Variants in ANKRD36C observed in about 807,000 individuals in gnomAD.
ANKRD36C encodes ankyrin repeat domain-containing protein 36C.
Under a neutral mutation model 276.4 loss-of-function variants are expected in ANKRD36C, and 61 were observed. The ratio of observed to expected loss-of-function variants is 0.22; its 90% CI spans 0.18 to 0.27. The LOEUF is 0.27. Ranked by LOEUF, ANKRD36C falls within the 10% of genes least tolerant of loss-of-function variation. The pLI is 1.00. For synonymous variants in ANKRD36C, 483 were observed against 680.1 expected, an observed-to-expected ratio of 0.71 and a Z score of 4.51; for missense variants, 1,447 against 2,032.3, an observed-to-expected ratio of 0.71 and a Z score of 5.54.
chr2:95,967,261 A>T (rs540700504), intron 6 of ANKRD36C, among the ~76,000 whole-genome samples: 1 of 152,326 alleles, frequency 6.6e-6, no homozygotes, highest in Non-Finnish European at 1.5e-5. Context: ...CAAAGGCCTA[A>T]TATCTAGAAT....
intron 36 of ANKRD36C, among the ~76,000 whole-genome samples, chr2:95,917,417 G>A (rs554342086): frequency 6.6e-6 from 1 of 151,426 alleles, no homozygotes; most frequent in African/African-American, 2.4e-5. Flanking sequence ...CTACATCAGG[G>A]GTCTCCTTAG....
intron 17 of ANKRD36C, among the ~76,000 whole-genome samples, chr2:95,948,157 G>A (rs1487698834): frequency 2.0e-5 from 3 of 152,040 alleles, no homozygotes; most frequent in African/African-American, 7.2e-5. Flanking sequence ...TTTAAACAGA[G>A]GTATTATTAG....
In ANKRD36C at chr2:95,986,929, C is replaced by T. The variant is rs1558665804; in HGVS notation, c.313-5G>A. On this transcript the variant is annotated splice_region_variant and splice_polypyrimidine_tract_variant and intron_variant, in intron 2 of 66. Coordinates refer to ENST00000456556, the Ensembl canonical transcript of ANKRD36C. ...CTCCTGCCTCAGTTGTACAGCCTGT[C>T]AGTATTAGACCGAGAAACATGCAAA... The T allele has an allele frequency of 5.6e-6, 9 of 1,612,510 alleles. No homozygotes were observed. Among genetic ancestry groups the T allele is most frequent in the Non-Finnish European group, 7.6e-6 (9 of 1,179,548 alleles).
intron 1 of ANKRD36C, 38 bp downstream of exon 1, chr2:95,991,474 G>C: frequency 7.4e-6 from 11 of 1,494,204 alleles, no homozygotes; most frequent in Non-Finnish European, 8.1e-6. Flanking sequence ...CACATCCACA[G>C]GCCTCCTCCC....
chr2:95,894,658 A>G (rs1456975884), intron 44 of ANKRD36C, among the ~76,000 whole-genome samples: 7 of 151,536 alleles, frequency 4.6e-5, no homozygotes, highest in African/African-American at 1.7e-4. Context: ...TTGAAGAAGG[A>G]AGCCAACGTA....
downstream of ANKRD36C, among the ~76,000 whole-genome samples, chr2:95,849,055 A>T (rs1675232748): frequency 6.6e-6 from 1 of 151,968 alleles, no homozygotes; most frequent in Non-Finnish European, 1.5e-5. Context: ...GTCAGCACGT[A>T]TTCTTTCTGT....
exon 61 of ANKRD36C, chr2:95,860,049 T>C: frequency 6.5e-7 from 1 of 1,540,858 alleles, no homozygotes; most frequent in South Asian, 1.2e-5. Context: ...AAAATGTCTT[T>C]TTAATTTTCA....
At chr2:95,864,014 C>A (rs1224205334) in intron 60 of ANKRD36C, among the ~76,000 whole-genome samples, 1 of 151,888 alleles carries the variant, frequency 6.6e-6, no homozygotes, top group Admixed American at 6.6e-5. Context: ...TCTATCATAG[C>A]AACTACCACT....
At chr2:95,983,206 A>T (rs1678956078) in intron 3 of ANKRD36C, among the ~76,000 whole-genome samples, 2 of 151,596 alleles carry the variant, frequency 1.3e-5, no homozygotes, top group Non-Finnish European at 3.0e-5. Flanking sequence ...TCTCTCTTTA[A>T]TTCGGAGAGC....
chr2:95,870,414 T>G, intron 59 of ANKRD36C, among the ~76,000 whole-genome samples: 1 of 152,084 alleles, frequency 6.6e-6, no homozygotes, highest in Admixed American at 6.5e-5. Context: ...GGGTCTGGAG[T>G]GGACCTCTAG....
chr2:95,921,407 A>T (rs1573768820), intron 34 of ANKRD36C, among the ~76,000 whole-genome samples, 200 bp downstream of exon 34: 2 of 151,628 alleles, frequency 1.3e-5, no homozygotes, highest in African/African-American at 4.8e-5. Flanking sequence ...GTGTATAATC[A>T]TACTGCAAAG....
Position 95,915,971 on chromosome 2 carries a change from C to T in ANKRD36C, c.2449+9G>A. ...TGAACATGACATTAAATGTGTTTTG[C>T]AAAATTACCTGTCCTAGATATTTCT... On this transcript the variant is annotated intron_variant, in intron 38 of 66. Transcript: ENST00000456556. The T allele has an allele frequency of 6.5e-7, 1 of 1,545,122 alleles. No individual in the cohort carries two copies. Among genetic ancestry groups the T allele is most frequent in the Non-Finnish European group, 8.7e-7 (1 of 1,146,218 alleles).
At position 95,876,580 on chromosome 2, in the gene ANKRD36C, G is replaced by A. The variant is rs1449332761; in HGVS notation, c.3470-71C>T. On this transcript the variant is annotated intron_variant, in intron 58 of 66. Coordinates refer to ENST00000456556, the Ensembl canonical transcript of ANKRD36C. The stretch of plus-strand genomic sequence containing the variant: ...CAGTTAGATAAAAGCCATGGTCAGC[G>A]GTGGCTCACGCCTGTAATCCCAGCA... 112 of 812,194 alleles carry A rather than the reference G, an allele frequency of 1.4e-4. No individual in the cohort carries two copies. The East Asian group carries it at 1.5e-3, about 11-fold the overall frequency. The allele number at this position is 812,194 out of a possible 1,614,324, so 50.3% of individuals were successfully genotyped here.
intron 8 of ANKRD36C, among the ~76,000 whole-genome samples, chr2:95,961,053 C>T (rs1283923729): frequency 1.3e-5 from 2 of 152,192 alleles, no homozygotes; most frequent in East Asian, 3.9e-4. Flanking sequence ...TCATGTAACA[C>T]ATCAGAGGGA....
intron 6 of ANKRD36C, among the ~76,000 whole-genome samples, chr2:95,974,626 G>C (rs1243094523): frequency 1.3e-5 from 2 of 152,044 alleles, no homozygotes; most frequent in African/African-American, 2.4e-5. Context: ...AAAGACGTCA[G>C]CTTCTCCAAA....
Position 95,919,675 on chromosome 2 carries a change from T to G in ANKRD36C, c.2246-1633A>C. The G allele has an allele frequency of 2.7e-6, 2 of 737,038 alleles. 1 individual carries two copies. The highest frequency in any genetic ancestry group is 3.3e-6 in the Non-Finnish European group (2 of 611,130). 45.7% of individuals were successfully genotyped at this position (737,038 alleles called of 1,614,324 possible). Reference sequence around the variant, plus strand: ...CCACCCTCCGCTGATTTATTCGGGATAGAGAAGTTCTTTTTTATCTGGATT... The same window carrying G: ...CCACCCTCCGCTGATTTATTCGGGAGAGAGAAGTTCTTTTTTATCTGGATT... On this transcript the variant is annotated intron_variant, in intron 34 of 66. Coordinates refer to ENST00000456556, the Ensembl canonical transcript of ANKRD36C.
At chr2:95,892,552 A>G (rs1364001513) in intron 44 of ANKRD36C, among the ~76,000 whole-genome samples, 1 of 151,596 alleles carries the variant, frequency 6.6e-6, no homozygotes, top group African/African-American at 2.4e-5. Context: ...CTCAATAAAA[A>G]TATCATCAAT....
Position 95,925,505 on chromosome 2 carries a change from G to C in ANKRD36C, c.1968+14C>G, listed in dbSNP as rs1452288610. The stretch of plus-strand genomic sequence containing the variant: ...GTAATAAATAATTCAAAATATAAAT[G>C]AAAGAGTAACTACCTTCCAGGCTGA... On this transcript the variant is annotated intron_variant, in intron 29 of 66. Transcript: ENST00000456556. 6.5e-7 allele frequency: 1 copy of C among 1,549,392 alleles called. No homozygotes were observed. Among genetic ancestry groups the C allele is most frequent in the South Asian group, 1.2e-5 (1 of 83,668 alleles).
At chr2:95,874,516 AC>A (rs1207309915) in intron 59 of ANKRD36C, among the ~76,000 whole-genome samples, 2 of 152,258 alleles carry the variant, frequency 1.3e-5, no homozygotes, top group Non-Finnish European at 2.9e-5. Flanking sequence ...TACACCTTAT[AC>A]AAAAATTAAT....
Sources: gnomAD v4.1 joint callset for allele counts (sites outside exome capture counted in the v4.1 genomes callset) on GRCh38, gnomAD v4.1.1 for gene constraint, MANE v1.5 for transcripts, NCBI Gene and HGNC (gene_info 2026-07-23, HGNC 2026-07-21) for gene names.